The following COG4 variants were observed in gnomAD, a reference collection of about 807,000 sequenced individuals.
COG4 encodes the protein component of oligomeric golgi complex 4.
Under a neutral mutation model 95.1 loss-of-function variants are expected in COG4, and 65 were observed. That is an observed-to-expected ratio of 0.68 (90% CI 0.56 to 0.84). COG4 has a LOEUF of 0.84. Ranked by LOEUF, COG4 falls within the 40% of genes least tolerant of loss-of-function variation. The pLI, the probability that COG4 is intolerant of heterozygous loss-of-function variation, is 0.00. For synonymous variants in COG4, 421 were observed against 374.8 expected, an observed-to-expected ratio of 1.12 and a Z score of -1.42; for missense variants, 1,045 against 989.1, an observed-to-expected ratio of 1.06 and a Z score of -0.76.
Position 70,523,538 on chromosome 16 carries a change from C to T in COG4, c.6G>A (p.Gly2=), listed in dbSNP as rs1262554374. 3 of 1,613,676 alleles carry T rather than the reference C, an allele frequency of 1.9e-6. No homozygotes were observed. The highest frequency in any genetic ancestry group is 1.3e-5 in the African/African-American group (1 of 74,900). The stretch of plus-strand genomic sequence containing the variant: ...GCGAATCAAGGTCCGCCATCTTGGT[C>T]CCCATTCGGCACTTCCGGTCCCGCG... M[G]TKMADLDSPP... is the part of the protein sequence containing the mutation. The change falls in exon 1 of 19, where the codon GGG becomes GGA. Residue 2 remains glycine, a synonymous_variant. Coordinates refer to ENST00000323786, the MANE Select transcript of COG4 (RefSeq NM_015386.3).
chr16:70,481,576 G>A (rs2048993498), intron 17 of COG4, 89 bp from the exon 18 acceptor site: 33 of 1,582,888 alleles, frequency 2.1e-5, no homozygotes, highest in South Asian at 1.9e-4. Flanking sequence ...GGCAAGGCCC[G>A]CCAGGCCTCA....
At position 70,509,376 on chromosome 16, in the gene COG4, A is replaced by G. The variant is rs1312482471; in HGVS notation, c.857T>C (p.Ile286Thr). The G allele has an allele frequency of 6.2e-7, 1 of 1,614,208 alleles. No homozygotes were observed. Among genetic ancestry groups the G allele is most frequent in the Non-Finnish European group, 8.5e-7 (1 of 1,180,024 alleles). ...LTLLFEGIARIVETHQPIVET... is the reference protein window; with the variant it reads ...LTLLFEGIARTVETHQPIVET... ...CACTATTGGCTGGTGGGTCTCCACA[A>G]TGCGGGCAATCCCTAGAAGGGAGGA... is the stretch of plus-strand genomic sequence containing the variant. Residue 286 changes from isoleucine to threonine, a missense_variant, in exon 7 of 19, where the codon ATT becomes ACT. Physicochemically the swap from Ile to Thr is moderately conservative, Grantham distance 89. Coordinates refer to ENST00000323786, the MANE Select transcript of COG4 (RefSeq NM_015386.3).
intron 13 of COG4, among the ~76,000 whole-genome samples, chr16:70,486,719 G>A (rs1050147450): frequency 1.3e-5 from 2 of 152,194 alleles, no homozygotes; most frequent in African/African-American, 2.4e-5. Flanking sequence ...GATGTCGGCC[G>A]GGCGCCGTGG....
At chr16:70,492,603 G>A (rs1254349799) in intron 12 of COG4, among the ~76,000 whole-genome samples, 1 of 151,484 alleles carries the variant, frequency 6.6e-6, no homozygotes, top group African/African-American at 2.4e-5. Flanking sequence ...AGAGGTTGCA[G>A]TGAGCCAAGA....
intron 14 of COG4, among the ~76,000 whole-genome samples, chr16:70,483,373 T>C (rs2049054489): frequency 6.7e-6 from 1 of 149,268 alleles, no homozygotes; most frequent in Admixed American, 6.7e-5. Flanking sequence ...CCTGAGGCTT[T>C]CTGCAGGCCC....
rs752657619 is a variant in COG4, at chr16:70,482,782, G to C, written c.1867C>G (p.Gln623Glu). The change falls in exon 15 of 19, where the codon CAG becomes GAG. Residue 623 changes from glutamine to glutamate, a missense_variant. Physicochemically the swap from Gln to Glu is conservative, Grantham distance 29. Coordinates refer to ENST00000323786, the MANE Select transcript of COG4 (RefSeq NM_015386.3). ...TELNSTAIKP[Q>E]VQPWINSFFS... ...AAGCTGTTGATCCAAGGCTGCACCT[G>C]TGGCTTGATGGCTGTGCTGTTGAGC... 1 of 1,613,924 alleles carries C rather than the reference G, an allele frequency of 6.2e-7. No homozygotes were observed. Among genetic ancestry groups the C allele is most frequent in the South Asian group, 1.1e-5 (1 of 91,082 alleles).
At chr16:70,497,122 T>G in intron 11 of COG4, 99 bp downstream of exon 11, 2 of 1,195,746 alleles carry the variant, frequency 1.7e-6, no homozygotes, top group Non-Finnish European at 2.5e-6. Flanking sequence ...GTATAGAACT[T>G]AACTAGAATC....
intron 3 of COG4, among the ~76,000 whole-genome samples, chr16:70,514,887 A>AT (rs2049790550): frequency 6.6e-6 from 1 of 150,528 alleles, no homozygotes; most frequent in Non-Finnish European, 1.5e-5. Context: ...TAGTTTTTGT[A>AT]TTTTTTGTAG....
intron 4 of COG4, among the ~76,000 whole-genome samples, chr16:70,512,951 C>T (rs557737875): frequency 5.9e-5 from 9 of 152,088 alleles, no homozygotes; most frequent in Non-Finnish European, 5.9e-5. Flanking sequence ...GCACTCCAGC[C>T]GGCAAAAGAG....
chr16:70,498,177 T>C, intron 9 of COG4, 122 bp from the exon 10 acceptor site: 1 of 702,352 alleles, frequency 1.4e-6, no homozygotes, highest in South Asian at 1.5e-5. Context: ...TTTACATCGT[T>C]ACAATCATGA....
chr16:70,522,087 T>C (rs2049958607), intron 1 of COG4, among the ~76,000 whole-genome samples: 3 of 149,774 alleles, frequency 2.0e-5, no homozygotes, highest in Non-Finnish European at 3.0e-5. Context: ...AACCTCCGCC[T>C]CCCAGGTTCA....
At chr16:70,513,067 G>A (rs1357277011) in intron 4 of COG4, among the ~76,000 whole-genome samples, 1 of 152,192 alleles carries the variant, frequency 6.6e-6, no homozygotes, top group African/African-American at 2.4e-5. Context: ...TCTCAAAGAT[G>A]GGCAGGATTC....
chr16:70,523,431 C>T lies in COG4; in HGVS notation c.113G>A (p.Arg38His). Residue 38 changes from arginine to histidine, a missense_variant, in exon 1 of 19, where the codon CGC becomes CAC. Transcript: ENST00000323786. ...RCSEISAELI[R>H]SLTELQELEA... ...CAGCTCCTGCAGCTCTGTCAGGGAG[C>T]GAATGAGCTCAGCGGAGATTTCGGA... is the stretch of plus-strand genomic sequence containing the variant. 6.2e-7 allele frequency: 1 copy of T among 1,614,026 alleles called. No individual in the cohort carries two copies. The highest frequency in any genetic ancestry group is 8.5e-7 in the Non-Finnish European group (1 of 1,179,958).
intron 2 of COG4, 69 bp downstream of exon 2, chr16:70,519,580 A>G: frequency 8.5e-7 from 1 of 1,172,368 alleles, no homozygotes; most frequent in Non-Finnish European, 1.3e-6. Flanking sequence ...GAAAGTTTAA[A>G]AAATGGTCAC....
rs747146850 is a variant in COG4, at chr16:70,519,737, A to G, written c.172-6T>C. The G allele has an allele frequency of 6.2e-7, 1 of 1,602,912 alleles. No individual in the cohort carries two copies. The highest frequency in any genetic ancestry group is 8.5e-7 in the Non-Finnish European group (1 of 1,170,148). On this transcript the variant is annotated splice_region_variant and splice_polypyrimidine_tract_variant and intron_variant, in intron 1 of 18. Transcript: ENST00000323786. ...AGCTCTCTCTCCACCACTTTCTGAA[A>G]CACAGAGAAACATCCTGTCAGCAGA... is the stretch of plus-strand genomic sequence containing the variant.
intron 1 of COG4, among the ~76,000 whole-genome samples, chr16:70,521,945 T>C (rs983797473): frequency 6.0e-5 from 9 of 151,260 alleles, no homozygotes; most frequent in Non-Finnish European, 1.2e-4. Flanking sequence ...TCGTGATCCA[T>C]CTGCCTCAGC....
chr16:70,481,238 A>T, intron 18 of COG4, 94 bp from the exon 19 acceptor site: 11 of 1,607,866 alleles, frequency 6.8e-6, no homozygotes, highest in Non-Finnish European at 9.4e-6. Flanking sequence ...GGCACCCGGG[A>T]AGGGGAAGGT....
At chr16:70,515,767 T>C in intron 3 of COG4, 2 of 292,922 alleles carry the variant, frequency 6.8e-6, no homozygotes, top group Non-Finnish European at 1.3e-5. Context: ...ACCCTTGTCT[T>C]GTTCCTCATC....
At chr16:70,520,173 C>A (rs1009240318) in intron 1 of COG4, among the ~76,000 whole-genome samples, 9 of 152,024 alleles carry the variant, frequency 5.9e-5, no homozygotes, top group African/African-American at 2.2e-4. Context: ...CGGCGGCTTA[C>A]GTCGGTAATC....
Sources: gnomAD v4.1 joint callset for allele counts (sites outside exome capture counted in the v4.1 genomes callset) on GRCh38, gnomAD v4.1.1 for gene constraint, MANE v1.5 for transcripts, NCBI Gene and HGNC (gene_info 2026-07-23, HGNC 2026-07-21) for gene names.